The following SKIC3 variants were observed in gnomAD, a reference collection of about 807,000 sequenced individuals.
The protein encoded by SKIC3 is superkiller complex protein 3.
chr5:95,468,178 G>A, the SKIC3 span, among the ~76,000 whole-genome samples: 1 of 152,100 alleles, frequency 6.6e-6, no homozygotes, highest in African/African-American at 2.4e-5. Context: ...CATGCACTAG[G>A]TACCATGCTA....
At chr5:95,494,699 G>A in the SKIC3 span, 1 of 1,613,572 alleles carries the variant, frequency 6.2e-7, no homozygotes, top group Non-Finnish European at 8.5e-7. Flanking sequence ...AAGGAGAGCT[G>A]CCTTCTGAAT....
chr5:95,470,194 G>C, the SKIC3 span, among the ~76,000 whole-genome samples: 5 of 151,972 alleles, frequency 3.3e-5, no homozygotes, highest in Admixed American at 3.3e-4. Context: ...TAGCCAGGAT[G>C]GTCTCGATCT....
At chr5:95,490,856 C>T in the SKIC3 span, 1 of 1,605,860 alleles carries the variant, frequency 6.2e-7, no homozygotes, top group East Asian at 2.2e-5. Flanking sequence ...TGGATTTAAC[C>T]ATTCAAGAAA....
chr5:95,507,030 T>G, the SKIC3 span: 1 of 1,584,006 alleles, frequency 6.3e-7, no homozygotes. Flanking sequence ...AAAAAAGGTA[T>G]TTTAATTTAT....
the SKIC3 span, among the ~76,000 whole-genome samples, chr5:95,475,719 G>A: frequency 6.6e-6 from 1 of 152,208 alleles, no homozygotes; most frequent in Non-Finnish European, 1.5e-5. Flanking sequence ...AAGAGCCAGG[G>A]CTCTGTACAG....
the SKIC3 span, among the ~76,000 whole-genome samples, chr5:95,550,396 C>T: frequency 1.4e-5 from 2 of 141,088 alleles, no homozygotes; most frequent in Non-Finnish European, 3.1e-5. Flanking sequence ...AAGCTAATTA[C>T]AGAAAGGAAA....
chr5:95,524,459 C>A, the SKIC3 span: 2 of 1,612,686 alleles, frequency 1.2e-6, no homozygotes, highest in South Asian at 2.2e-5. Flanking sequence ...GTAGCACTTG[C>A]TTTACCTTCA....
the SKIC3 span, chr5:95,490,986 T>C: frequency 5.6e-6 from 9 of 1,614,124 alleles, no homozygotes; most frequent in African/African-American, 5.3e-5. Context: ...AAGGCCAGTT[T>C]ATCATCAGCG....
chr5:95,525,755 C>T, the SKIC3 span: 3 of 1,306,726 alleles, frequency 2.3e-6, no homozygotes, highest in Non-Finnish European at 3.3e-6. Flanking sequence ...CGAACGAACA[C>T]AGAAAAGCAT....
the SKIC3 span, among the ~76,000 whole-genome samples, chr5:95,549,462 AC>A: frequency 6.6e-6 from 1 of 152,166 alleles, no homozygotes; most frequent in African/African-American, 2.4e-5. Flanking sequence ...CTATATAGAA[AC>A]AAACACCATT....
chr5:95,539,585 T>G, the SKIC3 span, among the ~76,000 whole-genome samples: 1 of 152,178 alleles, frequency 6.6e-6, no homozygotes, highest in Admixed American at 6.5e-5. Context: ...GGCTCACGCC[T>G]GTAATCCCAA....
chr5:95,523,537 A>G, the SKIC3 span: 3 of 1,297,304 alleles, frequency 2.3e-6, no homozygotes, highest in Non-Finnish European at 3.1e-6. Context: ...AAAAATATTT[A>G]TATTGCACCT....
chr5:95,475,708 A>G, the SKIC3 span, among the ~76,000 whole-genome samples: 4 of 152,248 alleles, frequency 2.6e-5, no homozygotes, highest in Non-Finnish European at 5.9e-5. Flanking sequence ...GGATGCTTCC[A>G]AAGAGCCAGG....
the SKIC3 span, among the ~76,000 whole-genome samples, chr5:95,505,640 C>T: frequency 3.3e-5 from 5 of 151,874 alleles, no homozygotes; most frequent in African/African-American, 9.7e-5. Flanking sequence ...GGTGAAACTC[C>T]GTCTCTACTA....
the SKIC3 span, chr5:95,503,030 AAAC>A: frequency 3.7e-6 from 6 of 1,613,100 alleles, no homozygotes; most frequent in African/African-American, 5.3e-5. Flanking sequence ...AAAACAAACA[AAAC>A]AATATAAAAG....
the SKIC3 span, chr5:95,482,542 G>A: frequency 6.2e-7 from 1 of 1,614,060 alleles, no homozygotes; most frequent in Non-Finnish European, 8.5e-7. Context: ...CAGCATCTGG[G>A]AGTGGCTTTT....
chr5:95,467,511 A>C, the SKIC3 span, among the ~76,000 whole-genome samples: 1 of 152,162 alleles, frequency 6.6e-6, no homozygotes, highest in Non-Finnish European at 1.5e-5. Context: ...TACAGGTTAA[A>C]TCAACATTAA....
chr5:95,471,090 G>C, the SKIC3 span, among the ~76,000 whole-genome samples: 1 of 152,126 alleles, frequency 6.6e-6, no homozygotes, highest in Non-Finnish European at 1.5e-5. Context: ...GTATAATCAA[G>C]TAAGAGGAAG....
At chr5:95,494,624 A>G in the SKIC3 span, 1 of 1,554,076 alleles carries the variant, frequency 6.4e-7, no homozygotes, top group Non-Finnish European at 8.8e-7. Flanking sequence ...CCCCACTTAC[A>G]AAATATGTAT....
Sources: gnomAD v4.1 joint callset for allele counts (sites outside exome capture counted in the v4.1 genomes callset) on GRCh38, gnomAD v4.1.1 for gene constraint, MANE v1.5 for transcripts, NCBI Gene and HGNC (gene_info 2026-07-23, HGNC 2026-07-21) for gene names.